CDH12: variants seen among roughly 807,000 people sequenced by gnomAD.
CDH12 encodes cadherin 12.
Under a neutral mutation model 74.1 loss-of-function variants are expected in CDH12, and 41 were observed. That is an observed-to-expected ratio of 0.55 (90% CI 0.43 to 0.72). CDH12 has a LOEUF of 0.72. Ranked by LOEUF, CDH12 falls within the 30% of genes least tolerant of loss-of-function variation. The probability of loss-of-function intolerance (pLI) is 0.00; values close to 1 mark genes in which losing one functional copy is unlikely to be tolerated. For synonymous variants in CDH12, 399 were observed against 355.0 expected (o/e 1.12, Z -1.39); for missense variants, 945 against 977.2 (o/e 0.97, Z 0.44).
At chr5:22,097,636 T>G (rs1357144677) in intron 4 of CDH12, among the ~76,000 whole-genome samples, 2 of 152,104 alleles carry the variant, frequency 1.3e-5, no homozygotes, top group African/African-American at 4.8e-5. Flanking sequence ...CTTCCCTGAC[T>G]GTTCTTGGGC....
intron 4 of CDH12, among the ~76,000 whole-genome samples, chr5:22,153,344 C>T (rs958757095): frequency 1.3e-5 from 2 of 151,328 alleles, no homozygotes; most frequent in Non-Finnish European, 2.9e-5. Flanking sequence ...ATTTTTAAGA[C>T]CCCCCTCCCA....
chr5:22,848,918 T>C (rs935428092), intron 1 of CDH12, among the ~76,000 whole-genome samples: 9 of 152,126 alleles, frequency 5.9e-5, no homozygotes, highest in East Asian at 1.9e-4. Context: ...TTTTTTTTTC[T>C]CATCATATCA....
At chr5:22,434,611 T>C (rs1157525231) in intron 2 of CDH12, among the ~76,000 whole-genome samples, 2 of 152,204 alleles carry the variant, frequency 1.3e-5, no homozygotes, top group Admixed American at 6.6e-5. Context: ...CTCATATTCC[T>C]TGCATCTTAT....
intron 5 of CDH12, among the ~76,000 whole-genome samples, chr5:21,986,950 A>G (rs1757543116): frequency 1.3e-5 from 2 of 152,106 alleles, no homozygotes; most frequent in African/African-American, 4.8e-5. Context: ...CTGAGTTCAA[A>G]TAGTCCCAAG....
rs1159038393 is a variant in CDH12 at position 22,188,573 on chromosome 5, TGCTGCA to T, written c.-187+23919_-187+23924del. On this transcript the variant is annotated intron_variant, in intron 4 of 14. Coordinates refer to ENST00000382254, the MANE Select transcript of CDH12 (RefSeq NM_004061.5). Reference sequence around the variant, plus strand: ...TAGAAATGGAGAAAATAAGTATGATTGCTGCAGCTAAATCTGACAAACTGTCACCTA... The same window carrying T: ...TAGAAATGGAGAAAATAAGTATGATTGCTAAATCTGACAAACTGTCACCTA... Among the ~76,000 whole-genome samples the T allele has an allele frequency of 5.9e-5, 9 of 152,306 alleles. No homozygotes were observed. In the East Asian group the frequency reaches 1.7e-3, roughly 29 times the overall value.
intron 3 of CDH12, among the ~76,000 whole-genome samples, chr5:22,355,169 T>C (rs1004629164): frequency 1.7e-5 from 2 of 118,424 alleles, no homozygotes; most frequent in African/African-American, 5.2e-5. Context: ...GGTATCATAA[T>C]GACTGTCATT....
At chr5:22,122,293 C>T (rs966024800) in intron 4 of CDH12, among the ~76,000 whole-genome samples, 7 of 152,054 alleles carry the variant, frequency 4.6e-5, no homozygotes, top group Non-Finnish European at 1.0e-4. Flanking sequence ...ATCCCAGCTA[C>T]TTGGGAGGCT....
At chr5:22,243,255 G>GA (rs920169091) in intron 3 of CDH12, among the ~76,000 whole-genome samples, 14 of 151,620 alleles carry the variant, frequency 9.2e-5, no homozygotes, top group African/African-American at 2.9e-4. Flanking sequence ...TATTTCAATG[G>GA]AAAAAAAATC....
intron 8 of CDH12, among the ~76,000 whole-genome samples, chr5:21,835,533 T>C (rs1389129653): frequency 6.6e-6 from 1 of 151,802 alleles, no homozygotes; most frequent in Non-Finnish European, 1.5e-5. Flanking sequence ...CAAAATTCAA[T>C]TAGCTTTTCA....
chr5:22,375,670 T>C (rs1246149326), intron 3 of CDH12, among the ~76,000 whole-genome samples: 1 of 151,962 alleles, frequency 6.6e-6, no homozygotes, highest in Non-Finnish European at 1.5e-5. Context: ...GACATACAAA[T>C]GGCTGATAAG....
intron 3 of CDH12, among the ~76,000 whole-genome samples, chr5:22,287,478 A>G (rs2150410949): frequency 6.6e-6 from 1 of 152,064 alleles, no homozygotes; most frequent in South Asian, 2.1e-4. Flanking sequence ...TAATCCCAGC[A>G]CTTTGGGAGG....
At chr5:22,110,608 T>C (rs895439759) in intron 4 of CDH12, among the ~76,000 whole-genome samples, 3 of 152,068 alleles carry the variant, frequency 2.0e-5, no homozygotes, top group Non-Finnish European at 2.9e-5. Context: ...TGGGTCCAGA[T>C]GGAGTAATCA....
At chr5:22,098,491 G>T (rs1580247337) in intron 4 of CDH12, among the ~76,000 whole-genome samples, 1 of 152,126 alleles carries the variant, frequency 6.6e-6, no homozygotes, top group South Asian at 2.1e-4. Flanking sequence ...GCGTGCAGCA[G>T]CTGCCGCTGC....
At chr5:22,116,864 CTTTTTT>C (rs70957090) in intron 4 of CDH12, among the ~76,000 whole-genome samples, 14 of 108,020 alleles carry the variant, frequency 1.3e-4, no homozygotes, top group Admixed American at 2.0e-4. Context: ...CTGCAAGTCT[CTTTTTT>C]TTTTTTTTTT....
chr5:22,316,114 A>G (rs1738624040), intron 3 of CDH12, among the ~76,000 whole-genome samples: 1 of 152,178 alleles, frequency 6.6e-6, no homozygotes, highest in African/African-American at 2.4e-5. Flanking sequence ...GGGCAGGTGA[A>G]TACCTACCAG....
intron 1 of CDH12, among the ~76,000 whole-genome samples, chr5:22,679,437 C>T (rs1741374266): frequency 6.6e-6 from 1 of 151,886 alleles, no homozygotes; most frequent in Admixed American, 6.6e-5. Context: ...TGATGTCAAC[C>T]TTTAATTTGT....
intron 1 of CDH12, among the ~76,000 whole-genome samples, chr5:22,588,407 C>T (rs762594451): frequency 1.6e-4 from 24 of 151,938 alleles, no homozygotes; most frequent in Non-Finnish European, 2.9e-4. Flanking sequence ...AATTTTCATA[C>T]GCCATTTGTA....
At chr5:22,823,313 G>C (rs567746138) in intron 1 of CDH12, among the ~76,000 whole-genome samples, 1 of 151,982 alleles carries the variant, frequency 6.6e-6, no homozygotes, top group African/African-American at 2.4e-5. Context: ...CAGCGCACCA[G>C]CATGGCACAT....
chr5:21,942,811 C>T (rs1317177872), intron 6 of CDH12, among the ~76,000 whole-genome samples: 2 of 151,980 alleles, frequency 1.3e-5, no homozygotes, highest in Non-Finnish European at 2.9e-5. Context: ...TATAATCCCC[C>T]AAAAATGTTA....
Sources: allele counts gnomAD v4.1 joint callset (sites outside exome capture counted in the v4.1 genomes callset), GRCh38; gene constraint gnomAD v4.1.1; transcripts MANE v1.5; gene names NCBI Gene and HGNC (gene_info 2026-07-23, HGNC 2026-07-21).